The following MDGA2 variants were observed in gnomAD, a reference collection of about 807,000 sequenced individuals.
MDGA2 encodes the protein MAM domain containing glycosylphosphatidylinositol anchor 2.
MDGA2 carries 40 observed loss-of-function variants against 117.8 expected under a neutral mutation model. The ratio of observed to expected loss-of-function variants is 0.34; its 90% CI spans 0.26 to 0.44. The LOEUF (loss-of-function observed/expected upper bound fraction) is 0.44. MDGA2 is among the 20% of genes least tolerant of loss of function. The probability of loss-of-function intolerance (pLI) is 1.00; values close to 1 mark genes in which losing one functional copy is unlikely to be tolerated. For synonymous variants in MDGA2, 452 were observed against 439.0 expected (o/e 1.03, Z -0.37); for missense variants, 1,123 against 1,250.6 (o/e 0.90, Z 1.54).
At position 47,312,692 on chromosome 14, in the gene MDGA2, TG is replaced by T. The variant is rs1307655256; in HGVS notation, c.281-11143del. On this transcript the variant is annotated intron_variant, in intron 1 of 16. Transcript: ENST00000399232. ...CTAGTTTTTAGTTTTTTTTTTGTTT[TG>T]TTTTGTTTTTTTTTTTTGTAGAGAT... Among the ~76,000 whole-genome samples, 195 of 93,446 alleles carry T rather than the reference TG, an allele frequency of 2.1e-3. 3 individuals are homozygous for T. The highest frequency in any genetic ancestry group is 6.8e-3 in the African/African-American group (170 of 25,154). 61.3% of individuals were successfully genotyped at this position (93,446 alleles called of 152,430 possible).
chr14:47,335,958 T>C (rs989992384), intron 1 of MDGA2, among the ~76,000 whole-genome samples: 2 of 151,370 alleles, frequency 1.3e-5, no homozygotes, highest in African/African-American at 4.8e-5. Flanking sequence ...GTAGGATCCC[T>C]TGTTCAAATT....
intron 1 of MDGA2, among the ~76,000 whole-genome samples, chr14:47,357,796 C>A (rs1891028961): frequency 6.6e-6 from 1 of 152,126 alleles, no homozygotes; most frequent in South Asian, 2.1e-4. Flanking sequence ...AATATCGGCC[C>A]CTTTGAACAA....
intron 1 of MDGA2, among the ~76,000 whole-genome samples, chr14:47,374,644 C>A (rs945380182): frequency 1.3e-5 from 2 of 152,032 alleles, no homozygotes; most frequent in African/African-American, 4.8e-5. Context: ...GTTTCAAATT[C>A]TGTGACAGAT....
chr14:47,452,201 A>G (rs578135225), intron 1 of MDGA2, among the ~76,000 whole-genome samples: 9 of 152,164 alleles, frequency 5.9e-5, no homozygotes, highest in African/African-American at 1.9e-4. Flanking sequence ...ACAAACTTAC[A>G]CATACTGATG....
At position 46,841,778 on chromosome 14, in the gene MDGA2, A is replaced by C; in HGVS notation, c.*153T>G. On this transcript the variant is annotated 3_prime_UTR_variant, in exon 17 of 17. Coordinates refer to ENST00000399232, the MANE Select transcript of MDGA2 (RefSeq NM_001113498.3). ...ACTTCCATGATGTCTTTTTATCCCC[A>C]GTGCTTAAAAAAATTTGTTTTTATT... 5.8e-6 allele frequency: 3 copies of C among 514,728 alleles called. No individual in the cohort carries two copies. The highest frequency in any genetic ancestry group is 3.1e-5 in the East Asian group (1 of 32,430). The allele number at this position is 514,728 out of a possible 1,614,324, so 31.9% of individuals were successfully genotyped here. A position where few individuals can be genotyped will look rare whatever the true frequency, so the allele number is the denominator to read the frequency against.
intron 1 of MDGA2, among the ~76,000 whole-genome samples, chr14:47,517,797 T>G (rs1894786155): frequency 2.0e-5 from 3 of 152,216 alleles, no homozygotes; most frequent in African/African-American, 7.2e-5. Context: ...TAACCTAATT[T>G]ACATGAGTTC....
rs538117661 is a variant in MDGA2 at position 47,325,789 on chromosome 14, G to A, written c.281-24239C>T. ...GCAATATATAATAGGTGGGCCAAAC[G>A]AGCAAGAGCTTTGAATTGTAGATTA... On this transcript the variant is annotated intron_variant, in intron 1 of 16. Transcript: ENST00000399232. Among the ~76,000 whole-genome samples the A allele has an allele frequency of 4.6e-5, 7 of 152,222 alleles. No homozygotes were observed. The East Asian group carries it at 1.2e-3, about 25-fold the overall frequency.
At chr14:47,005,178 A>G (rs1010136674) in intron 8 of MDGA2, among the ~76,000 whole-genome samples, 4 of 151,626 alleles carry the variant, frequency 2.6e-5, no homozygotes, top group Non-Finnish European at 5.9e-5. Context: ...GCCTTTTCCT[A>G]ACTTAGATGA....
rs376175137 is a variant in MDGA2, at chr14:47,109,869, C to T, written c.926-12746G>A. 9.9e-5 allele frequency among the ~76,000 whole-genome samples: 15 copies of T among 152,206 alleles called. No homozygotes were observed. In the East Asian group the frequency reaches 2.9e-3, roughly 30 times the overall value. ...GCTGAGGCAAGATAATTGTTAGGATCCGGGAGATAGAGGCTGCAGTGAGCC... is the reference window on the plus strand; with the variant it reads ...GCTGAGGCAAGATAATTGTTAGGATTCGGGAGATAGAGGCTGCAGTGAGCC... On this transcript the variant is annotated intron_variant, in intron 5 of 16. Coordinates refer to ENST00000399232, the MANE Select transcript of MDGA2 (RefSeq NM_001113498.3).
chr14:47,303,216 T>C (rs1372751481), intron 1 of MDGA2, among the ~76,000 whole-genome samples: 1 of 152,152 alleles, frequency 6.6e-6, no homozygotes, highest in Non-Finnish European at 1.5e-5. Flanking sequence ...TTAGACTAGG[T>C]TCTGGGTATT....
intron 10 of MDGA2, among the ~76,000 whole-genome samples, chr14:46,902,614 C>A (rs937247224): frequency 6.6e-6 from 1 of 152,110 alleles, no homozygotes; most frequent in African/African-American, 2.4e-5. Context: ...GTAAGCATAG[C>A]ATTGTATTGA....
intron 1 of MDGA2, among the ~76,000 whole-genome samples, chr14:47,327,114 G>A (rs1279675424): frequency 1.3e-5 from 2 of 152,190 alleles, no homozygotes; most frequent in African/African-American, 2.4e-5. Flanking sequence ...CCTCCAGGCA[G>A]GAGCCATTAC....
intron 1 of MDGA2, among the ~76,000 whole-genome samples, chr14:47,615,324 T>C (rs1321081277): frequency 6.6e-6 from 1 of 152,182 alleles, no homozygotes; most frequent in Non-Finnish European, 1.5e-5. Context: ...TTACTAAAAA[T>C]CAATATAAAA....
intron 2 of MDGA2, among the ~76,000 whole-genome samples, chr14:47,242,966 A>G (rs1023366049): frequency 6.6e-6 from 1 of 151,776 alleles, no homozygotes; most frequent in Non-Finnish European, 1.5e-5. Flanking sequence ...AAATGCACCA[A>G]TCAGCACCCT....
chr14:47,610,416 T>C (rs1896826225), intron 1 of MDGA2, among the ~76,000 whole-genome samples: 1 of 151,990 alleles, frequency 6.6e-6, no homozygotes, highest in Admixed American at 6.6e-5. Flanking sequence ...GTGAAAACCC[T>C]AATGACTCTT....
At chr14:47,619,030 T>C (rs1364671797) in intron 1 of MDGA2, among the ~76,000 whole-genome samples, 2 of 151,912 alleles carry the variant, frequency 1.3e-5, no homozygotes, top group Non-Finnish European at 2.9e-5. Flanking sequence ...AATCAAGGTT[T>C]TGATACACAG....
rs560987386 is a variant in MDGA2 at position 47,012,776 on chromosome 14, T to G, written c.1819+22235A>C. ...ATGTACAAGCATACCTCTGAGATAC[T>G]GCAGTTCATTTCCAGAGCACTGCAA... On this transcript the variant is annotated intron_variant, in intron 8 of 16. Coordinates refer to ENST00000399232, the MANE Select transcript of MDGA2 (RefSeq NM_001113498.3). Among the ~76,000 whole-genome samples the G allele has an allele frequency of 2.0e-5, 3 of 152,276 alleles. No individual in the cohort carries two copies. The South Asian group carries it at 6.2e-4, about 32-fold the overall frequency.
At chr14:46,853,491 A>G (rs1444231107) in intron 15 of MDGA2, among the ~76,000 whole-genome samples, 1 of 151,914 alleles carries the variant, frequency 6.6e-6, no homozygotes, top group Non-Finnish European at 1.5e-5. Context: ...TACGAATGAT[A>G]AGGAAAATCT....
At chr14:47,356,470 T>A (rs1890995947) in intron 1 of MDGA2, among the ~76,000 whole-genome samples, 1 of 152,190 alleles carries the variant, frequency 6.6e-6, no homozygotes, top group Non-Finnish European at 1.5e-5. Flanking sequence ...TCTCCCATGT[T>A]ATAGCTGGTA....
Sources: gnomAD v4.1 joint callset for allele counts (sites outside exome capture counted in the v4.1 genomes callset) on GRCh38, gnomAD v4.1.1 for gene constraint, MANE v1.5 for transcripts, NCBI Gene and HGNC (gene_info 2026-07-23, HGNC 2026-07-21) for gene names.